The following APBB2 variants were observed in gnomAD, a reference collection of about 807,000 sequenced individuals.
APBB2 encodes Fe65-like 1.
Under a neutral mutation model 82.5 loss-of-function variants are expected in APBB2, and 38 were observed. The observed-to-expected ratio is 0.46, with a 90% CI of 0.36 to 0.60. APBB2 has a LOEUF of 0.60. APBB2 is among the 20% of genes least tolerant of loss of function. The pLI is 0.00. For synonymous variants in APBB2, 341 were observed against 368.2 expected, an observed-to-expected ratio of 0.93 and a Z score of 0.85; for missense variants, 772 against 972.3, an observed-to-expected ratio of 0.79 and a Z score of 2.74.
At chr4:40,979,407 G>A (rs549764917) in intron 6 of APBB2, among the ~76,000 whole-genome samples, 1 of 150,060 alleles carries the variant, frequency 6.7e-6, no homozygotes, top group Admixed American at 6.8e-5. Context: ...TTGTGATTAT[G>A]TTGCATTGTA....
intron 5 of APBB2, among the ~76,000 whole-genome samples, chr4:41,020,973 C>T (rs537860441): frequency 6.6e-6 from 1 of 152,336 alleles, no homozygotes; most frequent in Non-Finnish European, 1.5e-5. Context: ...CAGACAACGC[C>T]TTTCAAACTC....
chr4:40,829,182 A>G (rs921846743), intron 13 of APBB2, among the ~76,000 whole-genome samples: 1 of 152,250 alleles, frequency 6.6e-6, no homozygotes, highest in Admixed American at 6.5e-5. Context: ...TGTGGTTGCC[A>G]AGAACATCGA....
intron 6 of APBB2, among the ~76,000 whole-genome samples, chr4:40,974,757 T>G (rs1289270814): frequency 6.6e-6 from 1 of 152,216 alleles, no homozygotes; most frequent in African/African-American, 2.4e-5. Flanking sequence ...TAACATAAAT[T>G]CTGAGAATAC....
intron 6 of APBB2, among the ~76,000 whole-genome samples, chr4:40,951,218 G>A (rs569580588): frequency 6.6e-5 from 10 of 150,482 alleles, no homozygotes; most frequent in East Asian, 2.0e-4. Flanking sequence ...GACCATCGAC[G>A]CTCCCTTTAT....
chr4:41,044,062 T>C (rs1722499975), intron 4 of APBB2, among the ~76,000 whole-genome samples: 1 of 152,196 alleles, frequency 6.6e-6, no homozygotes, highest in Non-Finnish European at 1.5e-5. Context: ...TAGCAGCCAT[T>C]GTTATTCAAT....
chr4:40,815,809 G>A lies in APBB2; in HGVS notation c.*283C>T. ...GGGGTGGGGCCACACTCTTCTCTGT[G>A]TGTGTGTGAAGTTAAGTAATGTTCA... On this transcript the variant is annotated 3_prime_UTR_variant, in exon 18 of 18. Transcript: ENST00000508593. The A allele has an allele frequency of 3.0e-6, 1 of 335,024 alleles. No individual in the cohort carries two copies. The highest frequency in any genetic ancestry group is 4.2e-5 in the Admixed American group (1 of 23,756). The allele number at this position is 335,024 out of a possible 1,614,324, so 20.8% of individuals were successfully genotyped here.
intron 3 of APBB2, among the ~76,000 whole-genome samples, chr4:41,079,549 ATT>A (rs36207850): frequency 1.0e-4 from 15 of 145,020 alleles, no homozygotes; most frequent in Non-Finnish European, 6.1e-5. Flanking sequence ...AGGCTCATCA[ATT>A]TTTTTTTTTT....
intron 5 of APBB2, among the ~76,000 whole-genome samples, chr4:41,020,933 C>T (rs760855929): frequency 3.9e-5 from 6 of 152,122 alleles, no homozygotes; most frequent in Non-Finnish European, 7.4e-5. Flanking sequence ...GAGATGCCGC[C>T]CAGCGTTTAC....
At position 41,172,225 on chromosome 4, in the gene APBB2, C is replaced by T. The variant is rs565578840; in HGVS notation, c.-416-29083G>A. Reference sequence around the variant, plus strand: ...GTTCCAACACCTCATCCAGCACCCCCCGCCCCAGGCACATTCCAGTCCCTA... The same window carrying T: ...GTTCCAACACCTCATCCAGCACCCCTCGCCCCAGGCACATTCCAGTCCCTA... On this transcript the variant is annotated intron_variant, in intron 1 of 17. Coordinates refer to ENST00000508593, the MANE Select transcript of APBB2 (RefSeq NM_004307.2). Among the ~76,000 whole-genome samples the T allele has an allele frequency of 1.3e-3, 204 of 152,232 alleles. 2 individuals carry two copies. Among genetic ancestry groups the T allele is most frequent in the African/African-American group, 4.4e-3 (182 of 41,544 alleles).
At chr4:40,840,855 C>G (rs1014717068) in intron 12 of APBB2, among the ~76,000 whole-genome samples, 1 of 152,144 alleles carries the variant, frequency 6.6e-6, no homozygotes, top group Non-Finnish European at 1.5e-5. Context: ...AGCGAGGACA[C>G]TCACATAAAC....
At chr4:41,084,765 TACAAC>T (rs1739019330) in intron 3 of APBB2, 1 of 152,112 alleles carries the variant, frequency 6.6e-6, no homozygotes, top group East Asian at 1.9e-4. Flanking sequence ...CTTGAATACA[TACAAC>T]TTTTGTTAAT....
intron 7 of APBB2, among the ~76,000 whole-genome samples, chr4:40,939,383 G>C (rs998129147): frequency 6.6e-5 from 10 of 152,064 alleles, no homozygotes; most frequent in African/African-American, 2.4e-4. Context: ...GCTGCCCGAG[G>C]GTGCCCTGCA....
intron 12 of APBB2, among the ~76,000 whole-genome samples, chr4:40,865,779 G>T (rs1230941726): frequency 6.6e-6 from 1 of 152,192 alleles, no homozygotes; most frequent in Non-Finnish European, 1.5e-5. Context: ...AATAACATCT[G>T]AACAGATACG....
At chr4:40,895,807 A>G (rs1773503516) in intron 10 of APBB2, among the ~76,000 whole-genome samples, 1 of 152,210 alleles carries the variant, frequency 6.6e-6, no homozygotes, top group African/African-American at 2.4e-5. Flanking sequence ...AAATGTCAAA[A>G]GTATTATCTC....
chr4:41,213,607 T>A (rs928313030), intron 1 of APBB2, among the ~76,000 whole-genome samples: 2 of 152,180 alleles, frequency 1.3e-5, no homozygotes, highest in African/African-American at 4.8e-5. Context: ...CACCTTTCAT[T>A]GTTTCTATGG....
chr4:41,050,789 G>A (rs1725646642), intron 4 of APBB2, among the ~76,000 whole-genome samples: 1 of 152,190 alleles, frequency 6.6e-6, no homozygotes, highest in Admixed American at 6.5e-5. Context: ...CAAGCTCTAC[G>A]TTCTCTCATC....
intron 6 of APBB2, among the ~76,000 whole-genome samples, chr4:40,964,606 C>T (rs1220213653): frequency 6.6e-6 from 1 of 152,060 alleles, no homozygotes; most frequent in African/African-American, 2.4e-5. Context: ...ACCTGCAAGT[C>T]TATCACTCTA....
intron 7 of APBB2, among the ~76,000 whole-genome samples, chr4:40,938,395 T>C (rs1785934060): frequency 6.6e-6 from 1 of 152,232 alleles, no homozygotes; most frequent in Non-Finnish European, 1.5e-5. Flanking sequence ...ACACGGAAGC[T>C]GTGTGAGGCT....
At chr4:41,065,480 A>G (rs1257211013) in intron 4 of APBB2, 96 bp downstream of exon 4, 1 of 152,208 alleles carries the variant, frequency 6.6e-6, no homozygotes, top group Non-Finnish European at 1.5e-5. Flanking sequence ...ATCCTTATTT[A>G]AACCTTTAAA....
Sources: gnomAD v4.1 joint callset for allele counts (sites outside exome capture counted in the v4.1 genomes callset) on GRCh38, gnomAD v4.1.1 for gene constraint, MANE v1.5 for transcripts, NCBI Gene and HGNC (gene_info 2026-07-23, HGNC 2026-07-21) for gene names.